Variants in PRKCH observed in about 807,000 individuals in gnomAD.
PRKCH encodes the protein protein kinase C eta type.
In PRKCH, 28 loss-of-function variants were observed where a neutral mutation model predicts 82.5. That is an observed-to-expected ratio of 0.34 (90% CI 0.25 to 0.47). The LOEUF (loss-of-function observed/expected upper bound fraction) is 0.47. Ranked by LOEUF, PRKCH falls within the 20% of genes least tolerant of loss-of-function variation. PRKCH has a pLI of 1.00. For synonymous variants in PRKCH, 322 were observed against 327.4 expected (o/e 0.98, Z 0.18); for missense variants, 705 against 881.8 (o/e 0.80, Z 2.54).
chr14:61,272,340 CTT>C (rs1335053986), intron 1 of PRKCH, among the ~76,000 whole-genome samples: 1 of 97,838 alleles, frequency 1.0e-5, no homozygotes, highest in African/African-American at 4.0e-5. Flanking sequence ...TTTCTTTTTT[CTT>C]TCTTTTTTTT....
Position 61,547,800 on chromosome 14 carries a change from G to A in PRKCH, c.1819G>A (p.Ala607Thr). ...CAGCCTGACTCAGGGAGGCGAGCACGCCATCTTGAGACATCCTTTTTTTAA... is the reference window on the plus strand; with the variant it reads ...CAGCCTGACTCAGGGAGGCGAGCACACCATCTTGAGACATCCTTTTTTTAA... ...LGSLTQGGEH[A>T]ILRHPFFKEI... is the part of the protein sequence containing the mutation. The change falls in exon 13 of 14, where the codon GCC becomes ACC. Residue 607 changes from alanine (A) to threonine (T), a missense_variant. By Grantham distance (58) the Ala-to-Thr change is moderately conservative. Coordinates refer to ENST00000332981, the MANE Select transcript of PRKCH (RefSeq NM_006255.5). The A allele has an allele frequency of 4.3e-6, 7 of 1,614,156 alleles. No individual in the cohort carries two copies. The highest frequency in any genetic ancestry group is 1.3e-5 in the African/African-American group (1 of 75,052).
intron 1 of PRKCH, among the ~76,000 whole-genome samples, chr14:61,381,506 A>C (rs1250413048): frequency 6.6e-6 from 1 of 152,208 alleles, no homozygotes; most frequent in Non-Finnish European, 1.5e-5. Context: ...TGCCTATTGC[A>C]ACTTCTTTTC....
intron 2 of PRKCH, among the ~76,000 whole-genome samples, chr14:61,398,891 T>C (rs954160764): frequency 6.6e-6 from 1 of 152,198 alleles, no homozygotes; most frequent in Non-Finnish European, 1.5e-5. Context: ...CCACATTTTA[T>C]CCCAATTCAA....
At chr14:61,402,365 TAAA>T (rs142246301) in intron 2 of PRKCH, among the ~76,000 whole-genome samples, 1,823 of 152,354 alleles carry the variant, frequency 0.012, 42 homozygotes, top group African/African-American at 0.042. Context: ...TGTGTGGTAT[TAAA>T]GAAGAATATC....
intron 12 of PRKCH, 128 bp from the exon 13 acceptor site, chr14:61,547,615 C>G (rs1332081628): frequency 2.5e-6 from 3 of 1,203,578 alleles, no homozygotes; most frequent in Non-Finnish European, 3.4e-6. Flanking sequence ...GATGGAAAAC[C>G]CAGCTAGTTA....
At chr14:61,475,493 T>TAGC (rs1184977719) in intron 9 of PRKCH, among the ~76,000 whole-genome samples, 1 of 152,204 alleles carries the variant, frequency 6.6e-6, no homozygotes, top group African/African-American at 2.4e-5. Context: ...CGTGCCCAGT[T>TAGC]AGCAATCATC....
chr14:61,310,040 T>C (rs1425595200), intron 1 of PRKCH, among the ~76,000 whole-genome samples: 1 of 151,710 alleles, frequency 6.6e-6, no homozygotes, highest in African/African-American at 2.4e-5. Context: ...CCGCCCCCCC[T>C]CCGTGATCCA....
chr14:61,244,280 T>G (rs1241398910), intron 1 of PRKCH, among the ~76,000 whole-genome samples: 1 of 151,760 alleles, frequency 6.6e-6, no homozygotes, highest in Non-Finnish European at 1.5e-5. Flanking sequence ...ATTGGGAGGG[T>G]TTTTTTCAGC....
chr14:61,454,089 C>CA (rs1368300206), intron 7 of PRKCH, among the ~76,000 whole-genome samples: 1 of 148,362 alleles, frequency 6.7e-6, no homozygotes, highest in African/African-American at 2.5e-5. Context: ...CCTTTCTTTC[C>CA]TTTTTTTTTT....
chr14:61,362,782 G>A (rs2046246950), intron 1 of PRKCH, among the ~76,000 whole-genome samples: 1 of 152,224 alleles, frequency 6.6e-6, no homozygotes, highest in African/African-American at 2.4e-5. Context: ...CTGAGGCTGG[G>A]TTAATCCCCA....
rs762950427 is a variant in PRKCH, at chr14:61,485,523, G to A, written c.1300G>A (p.Glu434Lys). 1.2e-6 allele frequency: 2 copies of A among 1,613,702 alleles called. No individual in the cohort carries two copies. Among genetic ancestry groups the A allele is most frequent in the Non-Finnish European group, 1.7e-6 (2 of 1,179,910 alleles). The change falls in exon 10 of 14, where the codon GAG (glutamate) becomes AAG (lysine). Residue 434 changes from glutamate to lysine, a missense_variant. Glu to Lys is a moderately conservative substitution (Grantham distance 56, BLOSUM62 1). Coordinates refer to ENST00000332981, the MANE Select transcript of PRKCH (RefSeq NM_006255.5). Reference protein sequence around the residue: ...QTPDRLFFVMEFVNGGDLMFH... With the variant: ...QTPDRLFFVMKFVNGGDLMFH... ...CCAGGATCGTCTGTTTTTTGTGATG[G>A]AGTTTGTGAATGGGGGTGACTTGAT...
intron 1 of PRKCH, among the ~76,000 whole-genome samples, chr14:61,291,488 C>T (rs1353658787): frequency 1.3e-5 from 2 of 152,108 alleles, no homozygotes; most frequent in Non-Finnish European, 2.9e-5. Flanking sequence ...TGCCACCACG[C>T]CCAGCTAATT....
At chr14:61,519,908 T>C (rs2042880810) in intron 10 of PRKCH, among the ~76,000 whole-genome samples, 1 of 152,004 alleles carries the variant, frequency 6.6e-6, no homozygotes, top group South Asian at 2.1e-4. Context: ...GGCAACAAGT[T>C]CAATTCTAAG....
chr14:61,491,226 T>C (rs1886439059), intron 10 of PRKCH, among the ~76,000 whole-genome samples: 1 of 152,228 alleles, frequency 6.6e-6, no homozygotes, highest in African/African-American at 2.4e-5. Flanking sequence ...AAAATCTTTT[T>C]AGATAAAGAT....
intron 1 of PRKCH, among the ~76,000 whole-genome samples, chr14:61,193,113 A>G (rs934606102): frequency 6.6e-6 from 1 of 152,216 alleles, no homozygotes; most frequent in African/African-American, 2.4e-5. Flanking sequence ...TGGCAGGGCA[A>G]ACCACTGTGG....
In PRKCH at chr14:61,280,118, C is replaced by T; in HGVS notation, c.-19+92450C>T. The T allele has an allele frequency of 6.2e-7, 1 of 1,613,272 alleles. No individual in the cohort carries two copies. The highest frequency in any genetic ancestry group is 8.5e-7 in the Non-Finnish European group (1 of 1,179,576). On this transcript the variant is annotated intron_variant, in intron 1 of 3. Coordinates refer to the PRKCH transcript ENST00000555185. This position sits in a 1 kb window ranked among gnomAD's most constrained non-coding sequence, Gnocchi z 5.0. ...CACTCCTCGTCGTCGTCGTCCTGGT[C>T]CTGGTAGCGAATGTAGACGACCAGC...
At chr14:61,528,143 A>G (rs990055191) in intron 10 of PRKCH, 1 of 48,342 alleles carries the variant, frequency 2.1e-5, no homozygotes, top group African/African-American at 5.7e-5. Flanking sequence ...ATATATATCT[A>G]TTTGTTTTAC....
chr14:61,236,649 G>A (rs1216078415), intron 1 of PRKCH, among the ~76,000 whole-genome samples: 1 of 148,288 alleles, frequency 6.7e-6, no homozygotes, highest in Non-Finnish European at 1.5e-5. Context: ...GGAGGTTGCA[G>A]CGAGCTGAGA....
chr14:61,397,288 G>A (rs531025980), intron 2 of PRKCH, among the ~76,000 whole-genome samples: 121 of 152,330 alleles, frequency 7.9e-4, no homozygotes, highest in Non-Finnish European at 1.4e-3. Context: ...ATTTACCAGG[G>A]TAGAAACTGG....
Sources: gnomAD v4.1 joint callset for allele counts (sites outside exome capture counted in the v4.1 genomes callset) on GRCh38, gnomAD v4.1.1 for gene constraint, Gnocchi (gnomAD v3.1) non-coding constraint, MANE v1.5 for transcripts, NCBI Gene and HGNC (gene_info 2026-07-23, HGNC 2026-07-21) for gene names.